NTRK2: variants seen among roughly 807,000 people sequenced by gnomAD.
NTRK2 encodes the protein BDNF/NT-3 growth factors receptor.
In NTRK2, 13 loss-of-function variants were observed where a neutral mutation model predicts 94.5. The observed-to-expected ratio is 0.14, with a 90% confidence interval of 0.09 to 0.22. NTRK2 has a LOEUF of 0.22. Ranked by LOEUF, NTRK2 falls within the 10% of genes least tolerant of loss-of-function variation. The pLI is 1.00. For missense variants in NTRK2, 639 were observed against 1,071.2 expected, an observed-to-expected ratio of 0.60 and a Z score of 5.63; for synonymous variants, 372 against 407.4, an observed-to-expected ratio of 0.91 and a Z score of 1.05.
chr9:84,810,911 G>T (rs896589346), intron 12 of NTRK2: 2 of 1,197,742 alleles, frequency 1.7e-6, no homozygotes, highest in African/African-American at 3.1e-5. Context: ...CTTCTGAAAA[G>T]TGTGCTTTTT....
chr9:84,719,453 T>C (rs2061920501), intron 6 of NTRK2, among the ~76,000 whole-genome samples: 1 of 152,204 alleles, frequency 6.6e-6, no homozygotes, highest in Non-Finnish European at 1.5e-5. Flanking sequence ...TTAGATTTTA[T>C]AGGAAAAATT....
In NTRK2 at chr9:84,839,953, T is replaced by A. The variant is rs189461875; in HGVS notation, c.1397-21087T>A. 1.3e-4 allele frequency among the ~76,000 whole-genome samples: 20 copies of A among 152,322 alleles called. No homozygotes were observed. In the East Asian group the frequency reaches 3.5e-3, roughly 26 times the overall value. On this transcript the variant is annotated intron_variant, in intron 12 of 18. Transcript: ENST00000277120. ...TCAAGCTCTACTTTCAGAAATACGA[T>A]GTTAGTAAGTGGTACATTTCACTGC...
chr9:84,905,101 G>A (rs1461320195), intron 14 of NTRK2, among the ~76,000 whole-genome samples: 1 of 152,180 alleles, frequency 6.6e-6, no homozygotes, highest in Non-Finnish European at 1.5e-5. Context: ...GAATTTGCTA[G>A]GTAGAGTTAT....
chr9:84,832,925 G>A (rs1291856289), intron 12 of NTRK2, among the ~76,000 whole-genome samples: 1 of 152,104 alleles, frequency 6.6e-6, no homozygotes, highest in Non-Finnish European at 1.5e-5. Context: ...CCCGCACCTG[G>A]ATAGATTGGA....
Position 84,877,449 on chromosome 9 carries a change from A to G in NTRK2, c.1633+10018A>G, listed in dbSNP as rs901875880. 7 of 1,065,916 alleles carry G rather than the reference A, an allele frequency of 6.6e-6. No homozygotes were observed. The African/African-American group carries it at 1.1e-4, about 17-fold the overall frequency. 66.0% of individuals were successfully genotyped at this position (1,065,916 alleles called of 1,614,324 possible). ...GGGTGGGTATGGATAGATGTTCCTC[A>G]AGGAAACCCTGCTGGCTAATGGGCA... is the stretch of plus-strand genomic sequence containing the variant. On this transcript the variant is annotated intron_variant, in intron 14 of 18. Transcript: ENST00000277120.
At chr9:84,924,335 C>G (rs2077684312) in intron 14 of NTRK2, among the ~76,000 whole-genome samples, 1 of 151,962 alleles carries the variant, frequency 6.6e-6, no homozygotes, top group Non-Finnish European at 1.5e-5. Context: ...GTGGGAGGTA[C>G]AAGGGTTGAA....
At chr9:84,888,067 C>A (rs961197606) in intron 14 of NTRK2, among the ~76,000 whole-genome samples, 1 of 152,110 alleles carries the variant, frequency 6.6e-6, no homozygotes, top group East Asian at 1.9e-4. Context: ...AATCCAGCCT[C>A]GTATTTTTTT....
intron 12 of NTRK2, among the ~76,000 whole-genome samples, chr9:84,783,396 A>G (rs1430117232): frequency 6.6e-6 from 1 of 152,186 alleles, no homozygotes; most frequent in African/African-American, 2.4e-5. Flanking sequence ...AATAATTCTC[A>G]GACATTTCCT....
intron 17 of NTRK2, among the ~76,000 whole-genome samples, chr9:84,985,706 G>A (rs1052801203): frequency 3.3e-5 from 5 of 152,226 alleles, no homozygotes; most frequent in African/African-American, 1.2e-4. Context: ...AAGATTCATT[G>A]CATGGAAGTA....
intron 12 of NTRK2, among the ~76,000 whole-genome samples, chr9:84,803,157 A>G (rs2070703869): frequency 6.6e-6 from 1 of 152,208 alleles, no homozygotes; most frequent in African/African-American, 2.4e-5. Flanking sequence ...GGAGAGGCAC[A>G]TTTTAATTCT....
chr9:84,923,687 C>T (rs779101552), intron 14 of NTRK2, among the ~76,000 whole-genome samples: 8 of 151,976 alleles, frequency 5.3e-5, no homozygotes, highest in Non-Finnish European at 8.8e-5. Context: ...AAGGACGAGG[C>T]GGGCAGATCA....
chr9:84,814,168 T>C, intron 12 of NTRK2: 1 of 1,065,584 alleles, frequency 9.4e-7, no homozygotes, highest in Non-Finnish European at 1.1e-6. Flanking sequence ...AACTAAACAA[T>C]CCCAGCCCCA....
rs1043942255 is a variant in NTRK2 at position 84,959,300 on chromosome 9, G to T, written c.2172+3783G>T. Among the ~76,000 whole-genome samples the T allele has an allele frequency of 4.6e-5, 7 of 152,096 alleles. No individual in the cohort carries two copies. The East Asian group carries it at 5.8e-4, about 13-fold the overall frequency. On this transcript the variant is annotated intron_variant, in intron 17 of 18. Transcript: ENST00000277120. ...TGTGGGTTTTTTTTGTTTGTTTTTG[G>T]TTTTGGTTTTGTTTTCTGACCAGGG...
chr9:85,021,496 A>G lies in NTRK2; in HGVS notation c.*59A>G. 1 of 1,545,520 alleles carries G rather than the reference A, an allele frequency of 6.5e-7. No homozygotes were observed. ...ACTCCTCAGACGGGCTGAGAGGATGAACATCTTTTAACTGCCGCTGGAGGC... is the reference window on the plus strand; with the variant it reads ...ACTCCTCAGACGGGCTGAGAGGATGGACATCTTTTAACTGCCGCTGGAGGC... On this transcript the variant is annotated 3_prime_UTR_variant, in exon 19 of 19. Coordinates refer to ENST00000277120, the MANE Select transcript of NTRK2 (RefSeq NM_006180.6).
chr9:84,871,342 A>G (rs980557120), intron 14 of NTRK2, among the ~76,000 whole-genome samples: 1 of 152,196 alleles, frequency 6.6e-6, no homozygotes, highest in African/African-American at 2.4e-5. Context: ...TTATTATTTT[A>G]TGTGGATTCC....
intron 14 of NTRK2, among the ~76,000 whole-genome samples, chr9:84,883,267 T>G (rs2076318895): frequency 6.6e-6 from 1 of 152,166 alleles, no homozygotes; most frequent in Admixed American, 6.5e-5. Flanking sequence ...TGAAGCTGGG[T>G]AAGGTGACGT....
intron 17 of NTRK2, among the ~76,000 whole-genome samples, chr9:84,996,412 G>A (rs922518152): frequency 4.6e-5 from 7 of 152,348 alleles, no homozygotes; most frequent in South Asian, 4.1e-4. Context: ...GTGACTGTAC[G>A]CCGTGGGCAG....
intron 12 of NTRK2, among the ~76,000 whole-genome samples, chr9:84,857,970 A>G (rs1364296121): frequency 6.6e-6 from 1 of 151,742 alleles, no homozygotes; most frequent in Non-Finnish European, 1.5e-5. Context: ...TCTTGGTTTG[A>G]CTCCTAAATC....
At chr9:84,933,679 ACAATGCAAAGATCT>A (rs1389418249) in intron 14 of NTRK2, among the ~76,000 whole-genome samples, 1 of 152,196 alleles carries the variant, frequency 6.6e-6, no homozygotes, top group Admixed American at 6.5e-5. Flanking sequence ...ACCTTAATTA[ACAATGCAAAGATCT>A]TGCATTTTCC....
Sources: gnomAD v4.1 joint callset for allele counts (sites outside exome capture counted in the v4.1 genomes callset) on GRCh38, gnomAD v4.1.1 for gene constraint, MANE v1.5 for transcripts, NCBI Gene and HGNC (gene_info 2026-07-23, HGNC 2026-07-21) for gene names.